Variants in EYS observed in about 807,000 individuals in gnomAD.
EYS encodes protein eyes shut homolog.
Under a neutral mutation model 282.1 loss-of-function variants are expected in EYS, and 250 were observed. The observed-to-expected ratio is 0.89, with a 90% confidence interval of 0.80 to 0.98. EYS has a LOEUF of 0.98. Ranked by LOEUF, EYS falls within the 50% of genes least tolerant of loss-of-function variation. The pLI is 0.00. For missense variants in EYS, 4,016 were observed against 3,709.0 expected, an observed-to-expected ratio of 1.08 and a Z score of -2.15; for synonymous variants, 1,355 against 1,282.9, an observed-to-expected ratio of 1.06 and a Z score of -1.20.
intron 29 of EYS, among the ~76,000 whole-genome samples, chr6:64,375,479 A>G (rs1425974525): frequency 6.6e-6 from 1 of 152,238 alleles, no homozygotes; most frequent in Non-Finnish European, 1.5e-5. Flanking sequence ...CCTCTCGGCT[A>G]ATATATGTTT....
intron 18 of EYS, among the ~76,000 whole-genome samples, chr6:64,895,345 G>T (rs115789714): frequency 0.012 from 1,780 of 152,234 alleles, 38 homozygotes; most frequent in African/African-American, 0.04. Flanking sequence ...ACTTGAATTT[G>T]TCAGAATGTC....
In EYS at chr6:64,886,767, A is replaced by G; in HGVS notation, c.2922T>C (p.Pro974=). The change falls in exon 19 of 43, where the codon CCT becomes CCC. Residue 974 remains proline, a synonymous_variant. Coordinates refer to ENST00000503581, the MANE Select transcript of EYS (RefSeq NM_001142800.2). ...ELDVNKCKIS[P]CLDEENCVYR... ...AGACACAATTTTCTTCATCTAGACA[A>G]GGTGAGATTTTACATTTATTTACAT... The G allele has an allele frequency of 6.5e-7, 1 of 1,547,518 alleles. No homozygotes were observed. Among genetic ancestry groups the G allele is most frequent in the Non-Finnish European group, 8.7e-7 (1 of 1,144,390 alleles).
At chr6:64,666,866 C>T (rs942278228) in intron 22 of EYS, among the ~76,000 whole-genome samples, 3 of 152,138 alleles carry the variant, frequency 2.0e-5, no homozygotes, top group Non-Finnish European at 2.9e-5. Context: ...ATTTCATCCT[C>T]ATCAGTCGAC....
intron 12 of EYS, among the ~76,000 whole-genome samples, chr6:65,149,730 C>G (rs1581957694): frequency 6.6e-6 from 1 of 152,162 alleles, no homozygotes; most frequent in East Asian, 1.9e-4. Flanking sequence ...CAAACTCTAC[C>G]TGTTACAAAG....
intron 2 of EYS, among the ~76,000 whole-genome samples, chr6:65,633,197 C>T (rs1766979327): frequency 6.6e-6 from 1 of 152,176 alleles, no homozygotes; most frequent in Non-Finnish European, 1.5e-5. Flanking sequence ...TGCTTTCTCA[C>T]TTAGATCTTC....
intron 30 of EYS, among the ~76,000 whole-genome samples, chr6:64,275,451 C>CTTTTTT (rs367970233): frequency 1.4e-5 from 2 of 140,340 alleles, no homozygotes; most frequent in African/African-American, 2.7e-5. Context: ...TGTTCTATTT[C>CTTTTTT]TTTTTTTTTT....
intron 22 of EYS, among the ~76,000 whole-genome samples, chr6:64,763,907 T>C (rs1773241236): frequency 6.6e-6 from 1 of 152,142 alleles, no homozygotes; most frequent in African/African-American, 2.4e-5. Context: ...ACCAAAATAA[T>C]GCCCTCTGAC....
At chr6:65,049,591 T>C (rs530373690) in intron 13 of EYS, among the ~76,000 whole-genome samples, 1 of 151,848 alleles carries the variant, frequency 6.6e-6, no homozygotes, top group East Asian at 1.9e-4. Context: ...AGTATTGTGC[T>C]GGAAATGAAG....
intron 12 of EYS, among the ~76,000 whole-genome samples, chr6:65,206,628 C>T (rs1441734913): frequency 6.6e-6 from 1 of 151,672 alleles, no homozygotes; most frequent in Non-Finnish European, 1.5e-5. Flanking sequence ...TAAAAATCCT[C>T]AACAAAATGC....
chr6:63,754,819 G>T (rs1221481356), intron 41 of EYS, among the ~76,000 whole-genome samples: 1 of 152,148 alleles, frequency 6.6e-6, no homozygotes, highest in Non-Finnish European at 1.5e-5. Context: ...CAGTGTAAAG[G>T]CATTCCTATT....
intron 35 of EYS, among the ~76,000 whole-genome samples, chr6:63,865,817 T>C (rs1015631155): frequency 6.6e-5 from 10 of 152,202 alleles, no homozygotes; most frequent in Non-Finnish European, 2.9e-5. Flanking sequence ...TTTCTAAAAA[T>C]ATTCATATTT....
intron 33 of EYS, among the ~76,000 whole-genome samples, chr6:64,062,166 C>T (rs1025272102): frequency 5.9e-5 from 9 of 152,036 alleles, no homozygotes; most frequent in Non-Finnish European, 1.0e-4. Flanking sequence ...ACCAAAAGAC[C>T]TTTAAATTCT....
rs138875998 is a variant in EYS at position 65,297,738 on chromosome 6, T to TA, written c.1767-1620dup. On this transcript the variant is annotated intron_variant, in intron 11 of 42. Transcript: ENST00000503581. ...ACCCTTCCAACAAAGTTACCTGAAA[T>TA]AAAATCATAGAATACAGTTACTTCC... Among the ~76,000 whole-genome samples the TA allele has an allele frequency of 3.1e-3, 468 of 151,970 alleles. 12 individuals carry two copies. The East Asian group carries it at 0.063, about 21-fold the overall frequency.
At chr6:65,116,098 G>T (rs2150192487) in intron 12 of EYS, among the ~76,000 whole-genome samples, 1 of 151,830 alleles carries the variant, frequency 6.6e-6, no homozygotes, top group East Asian at 1.9e-4. Context: ...GTAACATTTT[G>T]GAAAACATAC....
chr6:65,217,177 G>A lies in EYS; in HGVS notation c.2023+78686C>T, dbSNP rs574102356. On this transcript the variant is annotated intron_variant, in intron 12 of 42. Transcript: ENST00000503581. The stretch of plus-strand genomic sequence containing the variant: ...TTTTAACAATATGTTGTGCTCTTGA[G>A]AAGTAAATGAATCTTGGAGGATTGT... Among the ~76,000 whole-genome samples, 69 of 152,168 alleles carry A rather than the reference G, an allele frequency of 4.5e-4. 1 individual carries two copies. Among genetic ancestry groups the A allele is most frequent in the Non-Finnish European group, 8.4e-4 (57 of 67,930 alleles).
intron 29 of EYS, 115 bp downstream of exon 29, chr6:64,388,575 A>T: frequency 2.2e-6 from 2 of 921,894 alleles, no homozygotes; most frequent in Non-Finnish European, 3.1e-6. Context: ...GAAACCATGC[A>T]GATGGCCCCA....
At chr6:64,813,600 A>G in intron 21 of EYS, 23 bp from the exon 22 acceptor site, 1 of 1,449,678 alleles carries the variant, frequency 6.9e-7, no homozygotes, top group Non-Finnish European at 9.4e-7. Flanking sequence ...ATAGAGAATC[A>G]AATTTGATTA....
At chr6:64,758,294 A>G (rs1183324378) in intron 22 of EYS, among the ~76,000 whole-genome samples, 1 of 152,190 alleles carries the variant, frequency 6.6e-6, no homozygotes, top group Non-Finnish European at 1.5e-5. Flanking sequence ...CTTGGATTAA[A>G]AGCAGACTAA....
intron 33 of EYS, among the ~76,000 whole-genome samples, chr6:64,058,701 G>T (rs1325912646): frequency 7.2e-5 from 11 of 151,976 alleles, no homozygotes; most frequent in Non-Finnish European, 1.6e-4. Flanking sequence ...AATTTAATTT[G>T]CCCCTAAGTC....
Sources: allele counts gnomAD v4.1 joint callset (sites outside exome capture counted in the v4.1 genomes callset), GRCh38; gene constraint gnomAD v4.1.1; transcripts MANE v1.5; gene names NCBI Gene and HGNC (gene_info 2026-07-23, HGNC 2026-07-21).